ASZ1: variants seen among roughly 807,000 people sequenced by gnomAD.
ASZ1 encodes the protein ankyrin repeat, SAM and basic leucine zipper domain containing 1.
A neutral mutation model predicts 61.8 loss-of-function variants in ASZ1; 67 were observed. The observed-to-expected ratio is 1.08, with a 90% CI of 0.89 to 1.33. The LOEUF (loss-of-function observed/expected upper bound fraction) is 1.33, where lower values mean the gene tolerates loss of function less well. ASZ1 is among the 40% of genes most tolerant of loss of function. The probability of loss-of-function intolerance (pLI) is 0.00; values close to 1 mark genes in which losing one functional copy is unlikely to be tolerated. For synonymous variants in ASZ1, 193 were observed against 192.7 expected (o/e 1.00, Z -0.01); for missense variants, 577 against 554.5 (o/e 1.04, Z -0.41).
At chr7:117,406,209 GA>G (rs1194769489) in intron 4 of ASZ1, among the ~76,000 whole-genome samples, 5 of 152,040 alleles carry the variant, frequency 3.3e-5, no homozygotes, top group African/African-American at 1.2e-4. Context: ...TATACCCAGT[GA>G]AAATAACTTT....
intron 12 of ASZ1, among the ~76,000 whole-genome samples, chr7:117,366,287 TTTTGA>T (rs1795934848): frequency 6.6e-6 from 1 of 152,076 alleles, no homozygotes; most frequent in African/African-American, 2.4e-5. Flanking sequence ...AAAAGACTCC[TTTTGA>T]TTTAACACAT....
intron 3 of ASZ1, among the ~76,000 whole-genome samples, chr7:117,421,100 AC>A (rs1182969929): frequency 6.6e-6 from 1 of 152,218 alleles, no homozygotes; most frequent in African/African-American, 2.4e-5. Flanking sequence ...TATAGCTCTA[AC>A]TATCCCTCTG....
intron 6 of ASZ1, 91 bp from the exon 7 acceptor site, chr7:117,383,201 C>T: frequency 7.6e-7 from 1 of 1,312,760 alleles, no homozygotes; most frequent in South Asian, 1.9e-5. Flanking sequence ...ATCTCATATC[C>T]AGAAAGGAAA....
chr7:117,384,100 A>C (rs1310765799), intron 6 of ASZ1, among the ~76,000 whole-genome samples: 1 of 152,118 alleles, frequency 6.6e-6, no homozygotes, highest in Non-Finnish European at 1.5e-5. Flanking sequence ...ACTTAGTTTT[A>C]TAATTGTACT....
At chr7:117,367,788 T>C (rs1795971645) in intron 11 of ASZ1, 24 of 977,266 alleles carry the variant, frequency 2.5e-5, no homozygotes, top group Non-Finnish European at 2.9e-5. Flanking sequence ...TATATAAAAA[T>C]CACTGGAAAA....
intron 4 of ASZ1, among the ~76,000 whole-genome samples, chr7:117,415,945 C>A (rs1333302069): frequency 6.6e-6 from 1 of 152,190 alleles, no homozygotes; most frequent in Non-Finnish European, 1.5e-5. Flanking sequence ...AATCCCAACA[C>A]TTTGGGAGGC....
At chr7:117,384,699 A>G in intron 6 of ASZ1, 27 bp downstream of exon 6, 1 of 1,583,712 alleles carries the variant, frequency 6.3e-7, no homozygotes, top group Non-Finnish European at 8.6e-7. Context: ...GCCACAGAAA[A>G]TAAGTTTAAT....
chr7:117,425,288 C>T (rs1462513464), intron 2 of ASZ1, among the ~76,000 whole-genome samples: 6 of 84,640 alleles, frequency 7.1e-5, no homozygotes, highest in South Asian at 4.4e-4. Context: ...TTTTTTGAGA[C>T]GGAGTCTCGC....
intron 12 of ASZ1, among the ~76,000 whole-genome samples, chr7:117,367,052 G>A (rs77643400): frequency 6.6e-6 from 1 of 152,206 alleles, no homozygotes; most frequent in East Asian, 1.9e-4. Flanking sequence ...TTTTTGAAAG[G>A]GCTTGTGTTC....
intron 10 of ASZ1, among the ~76,000 whole-genome samples, chr7:117,373,795 T>G (rs1562845776): frequency 6.6e-6 from 1 of 152,160 alleles, no homozygotes; most frequent in Non-Finnish European, 1.5e-5. Flanking sequence ...TTAAATCCCA[T>G]AAAGTAAATT....
At chr7:117,403,460 T>C (rs1441045797) in intron 4 of ASZ1, among the ~76,000 whole-genome samples, 1 of 152,130 alleles carries the variant, frequency 6.6e-6, no homozygotes, top group African/African-American at 2.4e-5. Flanking sequence ...ACTGTATTGG[T>C]GTCCATTTTG....
chr7:117,390,765 A>G (rs1194648876), intron 4 of ASZ1, among the ~76,000 whole-genome samples: 2 of 152,088 alleles, frequency 1.3e-5, no homozygotes, highest in Non-Finnish European at 2.9e-5. Flanking sequence ...GTGCAGTGGC[A>G]CAATCTTGGC....
At chr7:117,416,154 C>G (rs1053957961) in intron 4 of ASZ1, among the ~76,000 whole-genome samples, 13 of 151,934 alleles carry the variant, frequency 8.6e-5, no homozygotes, top group African/African-American at 3.1e-4. Context: ...ACACTGCACT[C>G]CAGCCTGAGT....
intron 10 of ASZ1, among the ~76,000 whole-genome samples, chr7:117,376,986 TC>T (rs1796149456): frequency 1.3e-5 from 2 of 152,084 alleles, no homozygotes; most frequent in South Asian, 4.1e-4. Flanking sequence ...AAAATTAACC[TC>T]TTTTTGCAGA....
chr7:117,413,135 CAT>C (rs1404742464), intron 4 of ASZ1, among the ~76,000 whole-genome samples: 1 of 151,688 alleles, frequency 6.6e-6, no homozygotes, highest in Non-Finnish European at 1.5e-5. Context: ...TTAATACAAA[CAT>C]ATGTTTTGCA....
At chr7:117,423,614 A>C (rs1180275570) in intron 2 of ASZ1, among the ~76,000 whole-genome samples, 1 of 149,440 alleles carries the variant, frequency 6.7e-6, no homozygotes, top group Non-Finnish European at 1.5e-5. Flanking sequence ...GGGATGCCGA[A>C]GTGGGTGGAT....
At chr7:117,404,922 T>C (rs746249868) in intron 4 of ASZ1, among the ~76,000 whole-genome samples, 1 of 152,218 alleles carries the variant, frequency 6.6e-6, no homozygotes, top group East Asian at 1.9e-4. Flanking sequence ...CTACATCCCA[T>C]TGACAGAGAA....
chr7:117,383,711 A>G (rs189625606), intron 6 of ASZ1, among the ~76,000 whole-genome samples: 9 of 152,176 alleles, frequency 5.9e-5, no homozygotes, highest in East Asian at 5.8e-4. Flanking sequence ...TCATTTCAAT[A>G]AATGATTTAT....
chr7:117,368,753 C>G lies in ASZ1; in HGVS notation c.1056-36G>C, dbSNP rs367991079. 13 of 1,604,058 alleles carry G rather than the reference C, an allele frequency of 8.1e-6. No individual in the cohort carries two copies. In the African/African-American group the frequency reaches 1.6e-4, roughly 20 times the overall value. The stretch of plus-strand genomic sequence containing the variant: ...GAAACAAACAAACAAGCAGGAATTA[C>G]TAATAAGAGCAATTTATTTCATTCT... On this transcript the variant is annotated intron_variant, in intron 10 of 12. Coordinates refer to ENST00000284629, the MANE Select transcript of ASZ1 (RefSeq NM_130768.3).
Sources: gnomAD v4.1 joint callset for allele counts (sites outside exome capture counted in the v4.1 genomes callset) on GRCh38, gnomAD v4.1.1 for gene constraint, MANE v1.5 for transcripts, NCBI Gene and HGNC (gene_info 2026-07-23, HGNC 2026-07-21) for gene names.